Variants in AOAH observed in about 807,000 individuals in gnomAD.
AOAH encodes acyloxyacyl hydrolase, also known as acyloxyacyl hydrolase (neutrophil).
Under a neutral mutation model 92.2 loss-of-function variants are expected in AOAH, and 64 were observed. The observed-to-expected ratio is 0.69, with a 90% CI of 0.57 to 0.86. AOAH has a LOEUF of 0.86. Among genes scored for constraint, AOAH ranks in the 40% least tolerant of loss-of-function variants. The probability of loss-of-function intolerance (pLI) is 0.00; values close to 1 mark genes in which losing one functional copy is unlikely to be tolerated. For missense variants in AOAH, 656 were observed against 694.6 expected, an observed-to-expected ratio of 0.94 and a Z score of 0.62; for synonymous variants, 263 against 254.5, an observed-to-expected ratio of 1.03 and a Z score of -0.32.
intron 13 of AOAH, among the ~76,000 whole-genome samples, chr7:36,554,449 T>A (rs1356287879): frequency 1.3e-5 from 2 of 151,714 alleles, no homozygotes; most frequent in African/African-American, 4.8e-5. Context: ...TTGGCTTAGG[T>A]TTGACTTGGT....
At chr7:36,571,506 C>T (rs1788145816) in intron 13 of AOAH, among the ~76,000 whole-genome samples, 1 of 152,210 alleles carries the variant, frequency 6.6e-6, no homozygotes, top group African/African-American at 2.4e-5. Context: ...CTGGTTAATT[C>T]CTATCCTTAT....
rs575412062 is a variant in AOAH, at chr7:36,551,649, G to C, written c.1022-2174C>G. On this transcript the variant is annotated intron_variant, in intron 13 of 20. Coordinates refer to ENST00000617537, the MANE Select transcript of AOAH (RefSeq NM_001637.4). ...TTTTGGGTCTGGTTTATTTTACTCA[G>C]TATAATGTCCTCAAGCTTCATTCAT... 6.6e-5 allele frequency among the ~76,000 whole-genome samples: 10 copies of C among 152,228 alleles called. No individual in the cohort carries two copies. The East Asian group carries it at 1.9e-3, about 29-fold the overall frequency.
chr7:36,617,756 T>C (rs1272984256), intron 10 of AOAH, among the ~76,000 whole-genome samples: 1 of 152,218 alleles, frequency 6.6e-6, no homozygotes, highest in Non-Finnish European at 1.5e-5. Context: ...GCCCAGATGT[T>C]TGTGCCATCT....
intron 1 of AOAH, among the ~76,000 whole-genome samples, chr7:36,717,800 G>C (rs989898843): frequency 1.4e-5 from 2 of 143,738 alleles, no homozygotes; most frequent in African/African-American, 5.1e-5. Context: ...TTCGCTCCTG[G>C]TTGCTATATT....
rs759008785 is a variant in AOAH at position 36,564,227 on chromosome 7, G to A, written c.1021+12347C>T. Among the ~76,000 whole-genome samples the A allele has an allele frequency of 1.2e-4, 18 of 151,964 alleles. 1 individual carries two copies. Among genetic ancestry groups the A allele is most frequent in the Non-Finnish European group, 1.0e-4 (7 of 68,016 alleles). ...GGGCTCTCAGCTCAAATTTTAACTC[G>A]TATGTAAAGTCTTCCCCTACTTCTA... On this transcript the variant is annotated intron_variant, in intron 13 of 20. Coordinates refer to ENST00000617537, the MANE Select transcript of AOAH (RefSeq NM_001637.4).
rs777229386 is a variant in AOAH, at chr7:36,576,598, C to T, written c.997G>A (p.Asp333Asn). ...LWKRNHCNHR[D>N]YQNISRNGAS... ...CCATTTCTTGAAATATTCTGGTAGT[C>T]CCTGTGATTACAGTGGTTTCTTTTC... is the stretch of plus-strand genomic sequence containing the variant. Residue 333 changes from aspartate (D) to asparagine (N), a missense_variant, in exon 13 of 21, where the codon GAC becomes AAC. Physicochemically the swap from Asp to Asn is conservative, Grantham distance 23 (BLOSUM62 1). Coordinates refer to ENST00000617537, the MANE Select transcript of AOAH (RefSeq NM_001637.4). 6.3e-7 allele frequency: 1 copy of T among 1,578,094 alleles called. No homozygotes were observed. Among genetic ancestry groups the T allele is most frequent in the Non-Finnish European group, 8.6e-7 (1 of 1,158,438 alleles).
intron 1 of AOAH, among the ~76,000 whole-genome samples, chr7:36,715,207 G>A (rs950371101): frequency 6.6e-6 from 1 of 152,092 alleles, no homozygotes; most frequent in African/African-American, 2.4e-5. Context: ...CAAATCATGA[G>A]TGAACTCCCA....
chr7:36,579,632 T>G (rs1371356754), intron 12 of AOAH, among the ~76,000 whole-genome samples: 1 of 152,072 alleles, frequency 6.6e-6, no homozygotes. Flanking sequence ...ACTGAAGAAC[T>G]TGGAGTCTGA....
chr7:36,576,438 G>C (rs528688677), intron 13 of AOAH, 136 bp downstream of exon 13: 2 of 564,432 alleles, frequency 3.5e-6, no homozygotes, highest in African/African-American at 3.9e-5. Context: ...TTCAGAAAGG[G>C]CAATGGCATT....
intron 11 of AOAH, among the ~76,000 whole-genome samples, chr7:36,611,830 T>C (rs1791480631): frequency 2.0e-5 from 3 of 152,218 alleles, no homozygotes; most frequent in African/African-American, 2.4e-5. Flanking sequence ...CCTTAGCTCA[T>C]TGAAGCACAC....
At chr7:36,681,757 C>A (rs1375827230) in intron 2 of AOAH, among the ~76,000 whole-genome samples, 1 of 152,022 alleles carries the variant, frequency 6.6e-6, no homozygotes. Flanking sequence ...GCCGAGATTG[C>A]GCCACTGCAC....
chr7:36,515,111 CACAT>C (rs765380178), intron 20 of AOAH, among the ~76,000 whole-genome samples: 9 of 149,220 alleles, frequency 6.0e-5, no homozygotes, highest in Non-Finnish European at 1.2e-4. Flanking sequence ...ACACCACACA[CACAT>C]AATCACACAC....
chr7:36,651,045 G>A (rs544216019), intron 4 of AOAH, among the ~76,000 whole-genome samples: 3 of 152,288 alleles, frequency 2.0e-5, no homozygotes, highest in East Asian at 3.9e-4. Flanking sequence ...CAGGCGAGGT[G>A]GAGTGTGCTG....
Position 36,548,904 on chromosome 7 carries a change from T to A in AOAH, c.1059-218A>T, listed in dbSNP as rs573029539. ...ACTTGCCTATTAGAGAAAGGCCACA[T>A]AAATGCATAAAATTGAAAAGAATGG... On this transcript the variant is annotated intron_variant, in intron 14 of 20. Coordinates refer to ENST00000617537, the MANE Select transcript of AOAH (RefSeq NM_001637.4). Among the ~76,000 whole-genome samples, 4 of 152,292 alleles carry A rather than the reference T, an allele frequency of 2.6e-5. No homozygotes were observed. In the South Asian group the frequency reaches 8.3e-4, roughly 32 times the overall value.
intron 13 of AOAH, among the ~76,000 whole-genome samples, chr7:36,557,769 G>T (rs1583814207): frequency 2.0e-5 from 3 of 152,218 alleles, no homozygotes; most frequent in South Asian, 2.1e-4. Flanking sequence ...TCTTCCAGTT[G>T]ATTGCATCGG....
intron 13 of AOAH, among the ~76,000 whole-genome samples, chr7:36,569,496 T>C (rs192716300): frequency 6.6e-6 from 1 of 151,880 alleles, no homozygotes; most frequent in East Asian, 1.9e-4. Context: ...TATCTATCTA[T>C]CTATCTATCT....
At chr7:36,720,203 G>A (rs200886428) in intron 1 of AOAH, among the ~76,000 whole-genome samples, 2 of 152,058 alleles carry the variant, frequency 1.3e-5, no homozygotes, top group East Asian at 3.9e-4. Context: ...AGGCTGGAGC[G>A]TGGTGATGTG....
intron 13 of AOAH, among the ~76,000 whole-genome samples, chr7:36,565,984 G>T (rs114878921): frequency 1.2e-4 from 18 of 152,094 alleles, no homozygotes; most frequent in African/African-American, 4.3e-4. Context: ...TCTAATTTAG[G>T]ATCACAAACT....
chr7:36,722,126 G>A (rs762253251), intron 1 of AOAH, among the ~76,000 whole-genome samples: 7 of 152,036 alleles, frequency 4.6e-5, no homozygotes, highest in Non-Finnish European at 8.8e-5. Flanking sequence ...TCCTAACCTC[G>A]GTCACTCCTA....
Sources: allele counts gnomAD v4.1 joint callset (sites outside exome capture counted in the v4.1 genomes callset), GRCh38; gene constraint gnomAD v4.1.1; transcripts MANE v1.5; gene names NCBI Gene and HGNC (gene_info 2026-07-23, HGNC 2026-07-21).